The following BCL2L13 variants were observed in gnomAD, a reference collection of about 807,000 sequenced individuals.
The protein encoded by BCL2L13 is BCL2 like 13.
In BCL2L13, 13 loss-of-function variants were observed where a neutral mutation model predicts 25.8. That is an observed-to-expected ratio of 0.50 (90% confidence interval 0.33 to 0.80). The LOEUF (loss-of-function observed/expected upper bound fraction) is 0.80, where lower values mean the gene tolerates loss of function less well. Among genes scored for constraint, BCL2L13 ranks in the 30% least tolerant of loss-of-function variants. The pLI is 0.02. For synonymous variants in BCL2L13, 244 were observed against 230.3 expected, an observed-to-expected ratio of 1.06 and a Z score of -0.54; for missense variants, 504 against 574.9, an observed-to-expected ratio of 0.88 and a Z score of 1.26.
chr22:17,689,229 A>G, intron 4 of BCL2L13, 87 bp downstream of exon 4: 1 of 1,173,626 alleles, frequency 8.5e-7, no homozygotes, highest in Non-Finnish European at 1.2e-6. Flanking sequence ...GCTGTGTTTT[A>G]GGTGAACAGT....
intron 6 of BCL2L13, among the ~76,000 whole-genome samples, chr22:17,704,270 G>T (rs751743250): frequency 9.2e-5 from 14 of 151,980 alleles, no homozygotes; most frequent in Non-Finnish European, 1.9e-4. Context: ...ATTTTTAGTA[G>T]AGATAGGGCT....
intron 6 of BCL2L13, among the ~76,000 whole-genome samples, chr22:17,709,486 T>A (rs2060685242): frequency 6.6e-6 from 1 of 151,854 alleles, no homozygotes; most frequent in Admixed American, 6.6e-5. Flanking sequence ...TCCCAGCAAC[T>A]CGGGAGGCTG....
At position 17,728,720 on chromosome 22, in the gene BCL2L13, A is replaced by G. The variant is rs546357648; in HGVS notation, c.*1186A>G. On this transcript the variant is annotated 3_prime_UTR_variant, in exon 7 of 7. Coordinates refer to ENST00000317582, the MANE Select transcript of BCL2L13 (RefSeq NM_015367.4). ...CACTGAAATAAAAAGTAGGAAAAAG[A>G]AGCTTGAATTTTAAGACTGAGGCTG... The G allele has an allele frequency of 7.9e-5, 12 of 152,354 alleles. No individual in the cohort carries two copies. Among genetic ancestry groups the G allele is most frequent in the African/African-American group, 2.4e-4 (10 of 41,576 alleles). The allele number at this position is 152,354 out of a possible 1,614,324, so 9.4% of individuals were successfully genotyped here.
chr22:17,636,561 G>C (rs958218454), upstream of BCL2L13, among the ~76,000 whole-genome samples: 1 of 151,422 alleles, frequency 6.6e-6, no homozygotes, highest in Non-Finnish European at 1.5e-5. Context: ...AGGCCGAGAG[G>C]GGTGATCACC....
chr22:17,727,556 A>T lies in BCL2L13; in HGVS notation c.*22A>T. 6.2e-7 allele frequency: 1 copy of T among 1,611,582 alleles called. No homozygotes were observed. The highest frequency in any genetic ancestry group is 8.5e-7 in the Non-Finnish European group (1 of 1,178,548). Reference sequence around the variant, plus strand: ...ATAGGAGGCTTTTCAGAAGAGAAAGACAGAAGGATGTAAGGTTGGAGTTGT... The same window carrying T: ...ATAGGAGGCTTTTCAGAAGAGAAAGTCAGAAGGATGTAAGGTTGGAGTTGT... On this transcript the variant is annotated 3_prime_UTR_variant, in exon 7 of 7. Transcript: ENST00000317582.
At chr22:17,685,758 T>TCC (rs1568972358) in intron 3 of BCL2L13, among the ~76,000 whole-genome samples, 1 of 132,842 alleles carries the variant, frequency 7.5e-6, no homozygotes, top group Non-Finnish European at 1.6e-5. Flanking sequence ...TTTTTTCTTT[T>TCC]TCTTTTTTTT....
In BCL2L13 at chr22:17,728,455, G is replaced by A. The variant is rs1298326485; in HGVS notation, c.*921G>A. 3 of 152,292 alleles carry A rather than the reference G, an allele frequency of 2.0e-5. No homozygotes were observed. The East Asian group carries it at 5.8e-4, about 29-fold the overall frequency. The allele number at this position is 152,292 out of a possible 1,614,324, so 9.4% of individuals were successfully genotyped here. A position where few individuals can be genotyped will look rare whatever the true frequency, so the allele number is the denominator to read the frequency against. ...AGGATAACCTGGATGACCTTCTGAGGTCTCTTCAGCCCTTTTCGCTAGTGG... is the reference window on the plus strand; with the variant it reads ...AGGATAACCTGGATGACCTTCTGAGATCTCTTCAGCCCTTTTCGCTAGTGG... On this transcript the variant is annotated 3_prime_UTR_variant, in exon 7 of 7. Coordinates refer to ENST00000317582, the MANE Select transcript of BCL2L13 (RefSeq NM_015367.4).
intron 4 of BCL2L13, among the ~76,000 whole-genome samples, chr22:17,693,272 A>G (rs1209735159): frequency 1.4e-4 from 21 of 151,228 alleles, no homozygotes; most frequent in South Asian, 2.1e-4. Context: ...AATCTTAAAT[A>G]TTCTTAAACT....
At chr22:17,716,975 C>T (rs915895635) in intron 6 of BCL2L13, among the ~76,000 whole-genome samples, 37 of 152,086 alleles carry the variant, frequency 2.4e-4, no homozygotes, top group African/African-American at 8.7e-4. Context: ...TTTTACTTCT[C>T]GTTCATTGGC....
intron 2 of BCL2L13, among the ~76,000 whole-genome samples, chr22:17,672,398 C>G (rs1030344797): frequency 2.0e-5 from 3 of 152,212 alleles, no homozygotes; most frequent in Non-Finnish European, 4.4e-5. Context: ...TTTGATAGCT[C>G]TGAATGAATT....
intron 4 of BCL2L13, among the ~76,000 whole-genome samples, chr22:17,692,940 T>TG (rs544293063): frequency 1.0e-3 from 159 of 152,296 alleles, no homozygotes; most frequent in Non-Finnish European, 1.5e-3. Flanking sequence ...TTCTTCCTCA[T>TG]TGAAATCTAG....
intron 6 of BCL2L13, among the ~76,000 whole-genome samples, chr22:17,724,858 G>A (rs527553846): frequency 6.6e-6 from 1 of 152,010 alleles, no homozygotes; most frequent in East Asian, 1.9e-4. Context: ...CTTTTATTGC[G>A]CCTTACCCTC....
At chr22:17,646,934 T>TAC in intron 1 of BCL2L13, among the ~76,000 whole-genome samples, 2 of 26,090 alleles carry the variant, frequency 7.7e-5, no homozygotes, top group Non-Finnish European at 1.4e-4. Flanking sequence ...ATAAACTACA[T>TAC]ATATATATAT....
chr22:17,654,894 T>C (rs1254142460), intron 1 of BCL2L13, among the ~76,000 whole-genome samples: 3 of 152,086 alleles, frequency 2.0e-5, no homozygotes, highest in Non-Finnish European at 4.4e-5. Flanking sequence ...GCTAATGTTT[T>C]AAATTTTTTT....
rs549083876 is a variant in BCL2L13 at position 17,720,418 on chromosome 22, G to A, written c.601-6259G>A. Among the ~76,000 whole-genome samples the A allele has an allele frequency of 1.4e-4, 21 of 152,086 alleles. No homozygotes were observed. The East Asian group carries it at 3.9e-3, about 28-fold the overall frequency. On this transcript the variant is annotated intron_variant, in intron 6 of 6. Coordinates refer to ENST00000317582, the MANE Select transcript of BCL2L13 (RefSeq NM_015367.4). Reference sequence around the variant, plus strand: ...GTTGTCCAGGCCGGAGTGCACTGGCGCGATCTCGGCTCACCACAACCTCCA... The same window carrying A: ...GTTGTCCAGGCCGGAGTGCACTGGCACGATCTCGGCTCACCACAACCTCCA...
intron 2 of BCL2L13, among the ~76,000 whole-genome samples, chr22:17,663,219 C>T (rs572275283): frequency 7.9e-5 from 12 of 152,236 alleles, no homozygotes; most frequent in African/African-American, 9.6e-5. Context: ...ATGGAGGTAT[C>T]TATTATTTGT....
upstream of BCL2L13, among the ~76,000 whole-genome samples, chr22:17,635,778 C>T (rs1039323428): frequency 1.2e-4 from 18 of 151,750 alleles, no homozygotes; most frequent in East Asian, 7.9e-4. Flanking sequence ...GGTGCGATCT[C>T]GGCTCACTGC....
At chr22:17,696,583 G>T (rs2060271417) in intron 5 of BCL2L13, among the ~76,000 whole-genome samples, 1 of 152,144 alleles carries the variant, frequency 6.6e-6, no homozygotes, top group South Asian at 2.1e-4. Flanking sequence ...TCTCTTAGAT[G>T]AATAATACCA....
chr22:17,691,291 T>C (rs1326308481), intron 4 of BCL2L13, among the ~76,000 whole-genome samples: 3 of 152,210 alleles, frequency 2.0e-5, no homozygotes, highest in Admixed American at 6.5e-5. Context: ...TCCACAAAAA[T>C]GTAAAAGTTA....
Sources: gnomAD v4.1 joint callset for allele counts (sites outside exome capture counted in the v4.1 genomes callset) on GRCh38, gnomAD v4.1.1 for gene constraint, MANE v1.5 for transcripts, NCBI Gene and HGNC (gene_info 2026-07-23, HGNC 2026-07-21) for gene names.